The following LRRC7 variants were observed in gnomAD, a reference collection of about 807,000 sequenced individuals.
The protein encoded by LRRC7 is leucine rich repeat containing 7.
A neutral mutation model predicts 175.7 loss-of-function variants in LRRC7; 23 were observed. The ratio of observed to expected loss-of-function variants is 0.13; its 90% CI spans 0.09 to 0.19. The LOEUF is 0.19. Ranked by LOEUF, LRRC7 falls within the 10% of genes least tolerant of loss-of-function variation. The pLI is 1.00. For synonymous variants in LRRC7, 685 were observed against 680.9 expected (o/e 1.01, Z -0.09); for missense variants, 1,354 against 1,904.7 (o/e 0.71, Z 5.38).
chr1:69,775,280 A>C (rs1228648826), intron 3 of LRRC7, among the ~76,000 whole-genome samples: 1 of 152,186 alleles, frequency 6.6e-6, no homozygotes, highest in Non-Finnish European at 1.5e-5. Flanking sequence ...TGTTCTTTTC[A>C]CTACTTCTTT....
chr1:69,775,544 G>C (rs569836609), intron 3 of LRRC7, among the ~76,000 whole-genome samples: 1 of 152,118 alleles, frequency 6.6e-6, no homozygotes, highest in Non-Finnish European at 1.5e-5. Context: ...CAGAAATGTA[G>C]GATTACTTCA....
chr1:69,574,178 C>A (rs997999743), intron 1 of LRRC7, among the ~76,000 whole-genome samples: 3 of 151,936 alleles, frequency 2.0e-5, no homozygotes, highest in Non-Finnish European at 2.9e-5. Flanking sequence ...AGTATGAGAA[C>A]AAGTGAGAAG....
At chr1:70,090,677 TGAA>T (rs1449282981) in intron 25 of LRRC7, among the ~76,000 whole-genome samples, 2 of 152,040 alleles carry the variant, frequency 1.3e-5, no homozygotes, top group Non-Finnish European at 2.9e-5. Flanking sequence ...TTTAGGATGA[TGAA>T]GAAGGAAAAA....
chr1:69,981,730 G>T (rs958840734), intron 9 of LRRC7, among the ~76,000 whole-genome samples: 5 of 152,162 alleles, frequency 3.3e-5, no homozygotes, highest in Admixed American at 3.3e-4. Flanking sequence ...CAATCCCTGT[G>T]CAAAGATTGA....
chr1:69,573,038 C>G lies in LRRC7; in HGVS notation c.2+4397C>G, dbSNP rs182565760. Among the ~76,000 whole-genome samples the G allele has an allele frequency of 2.0e-5, 3 of 152,178 alleles. No homozygotes were observed. The East Asian group carries it at 5.8e-4, about 29-fold the overall frequency. On this transcript the variant is annotated intron_variant, in intron 1 of 26. Transcript: ENST00000651989. The stretch of plus-strand genomic sequence containing the variant: ...TGAACATCACTTGTCATACTGCCTC[C>G]CCTACCATAGTACCTGAACTGTAAT...
At chr1:70,010,550 G>T (rs1481889892) in intron 11 of LRRC7, among the ~76,000 whole-genome samples, 1 of 152,048 alleles carries the variant, frequency 6.6e-6, no homozygotes, top group Non-Finnish European at 1.5e-5. Flanking sequence ...GGATGACAGA[G>T]CAAGACTACA....
intron 1 of LRRC7, among the ~76,000 whole-genome samples, chr1:69,595,366 G>A (rs1646799635): frequency 6.6e-6 from 1 of 152,194 alleles, no homozygotes; most frequent in African/African-American, 2.4e-5. Context: ...TTTGCAGTGA[G>A]CCGAGATCGT....
chr1:69,885,570 C>T (rs1257980392), intron 7 of LRRC7, among the ~76,000 whole-genome samples: 1 of 120,852 alleles, frequency 8.3e-6, no homozygotes, highest in Non-Finnish European at 1.7e-5. Context: ...AAAACCAGCT[C>T]CTGGATTCAT....
At position 69,713,086 on chromosome 1, in the gene LRRC7, A is replaced by C. The variant is rs1469888091; in HGVS notation, c.100+34608A>C. 2.0e-5 allele frequency among the ~76,000 whole-genome samples: 3 copies of C among 152,204 alleles called. No individual in the cohort carries two copies. In the East Asian group the frequency reaches 5.8e-4, roughly 29 times the overall value. Reference sequence around the variant, plus strand: ...AGTTTATTTTTAAGATATCACTTTCATGGATACTGTAATAATATATTTTAG... The same window carrying C: ...AGTTTATTTTTAAGATATCACTTTCCTGGATACTGTAATAATATATTTTAG... On this transcript the variant is annotated intron_variant, in intron 2 of 26. Coordinates refer to ENST00000651989, the MANE Select transcript of LRRC7 (RefSeq NM_001370785.2).
intron 7 of LRRC7, among the ~76,000 whole-genome samples, chr1:69,889,140 T>C (rs1645753327): frequency 6.6e-6 from 1 of 152,224 alleles, no homozygotes; most frequent in South Asian, 2.1e-4. Context: ...CAAGTAGTAA[T>C]ATTTTTGTTG....
intron 7 of LRRC7, among the ~76,000 whole-genome samples, chr1:69,930,741 CTT>C (rs1210332289): frequency 3.9e-5 from 6 of 152,142 alleles, no homozygotes; most frequent in Admixed American, 3.9e-4. Context: ...CTTCAGGAAA[CTT>C]AAAATCATGG....
At chr1:69,708,434 T>C (rs1352822095) in intron 2 of LRRC7, among the ~76,000 whole-genome samples, 1 of 152,184 alleles carries the variant, frequency 6.6e-6, no homozygotes, top group Non-Finnish European at 1.5e-5. Context: ...CCACATACCT[T>C]AGTGCCTTTT....
At chr1:69,860,178 T>C (rs1029655534) in intron 7 of LRRC7, among the ~76,000 whole-genome samples, 1 of 152,024 alleles carries the variant, frequency 6.6e-6, no homozygotes, top group Admixed American at 6.6e-5. Flanking sequence ...TTGAATTCTA[T>C]TTTCCTAAAG....
chr1:69,649,134 C>G (rs1038287478), intron 1 of LRRC7, among the ~76,000 whole-genome samples: 1 of 152,204 alleles, frequency 6.6e-6, no homozygotes, highest in South Asian at 2.1e-4. Flanking sequence ...CTGTCTCACT[C>G]ACTATACACT....
At chr1:69,769,176 T>G (rs999905899) in intron 3 of LRRC7, among the ~76,000 whole-genome samples, 1 of 152,220 alleles carries the variant, frequency 6.6e-6, no homozygotes, top group Non-Finnish European at 1.5e-5. Flanking sequence ...TTAACACAAG[T>G]TCTGCCACTA....
intron 7 of LRRC7, among the ~76,000 whole-genome samples, chr1:69,865,469 C>CTTGTTTTTTTTTTTTT (rs1684820236): frequency 2.0e-5 from 1 of 51,262 alleles, no homozygotes; most frequent in African/African-American, 8.1e-5. Context: ...AAGACAGTTC[C>CTTGTTTTTTTTTTTTT]TTTTTTTTTT....
chr1:69,771,659 C>A (rs745857115), intron 3 of LRRC7, among the ~76,000 whole-genome samples: 1 of 152,132 alleles, frequency 6.6e-6, no homozygotes, highest in Non-Finnish European at 1.5e-5. Context: ...GCAAGCATTT[C>A]TTGATTACCA....
chr1:69,807,204 G>C (rs1051476522), intron 4 of LRRC7, among the ~76,000 whole-genome samples: 4 of 152,014 alleles, frequency 2.6e-5, no homozygotes, highest in Non-Finnish European at 4.4e-5. Flanking sequence ...CACGTGAGAT[G>C]GGTCTCCTGA....
At chr1:69,689,184 A>G (rs1346179030) in intron 2 of LRRC7, among the ~76,000 whole-genome samples, 2 of 152,090 alleles carry the variant, frequency 1.3e-5, no homozygotes, top group African/African-American at 4.8e-5. Flanking sequence ...CACTTCCCCT[A>G]TGTCTCTCAC....
Sources: gnomAD v4.1 joint callset for allele counts (sites outside exome capture counted in the v4.1 genomes callset) on GRCh38, gnomAD v4.1.1 for gene constraint, MANE v1.5 for transcripts, NCBI Gene and HGNC (gene_info 2026-07-23, HGNC 2026-07-21) for gene names.